KDM2B: variants seen among roughly 807,000 people sequenced by gnomAD.
KDM2B encodes lysine-specific demethylase 2B.
Under a neutral mutation model 150.0 loss-of-function variants are expected in KDM2B, and 26 were observed. The ratio of observed to expected loss-of-function variants is 0.17; its 90% CI spans 0.13 to 0.24. KDM2B has a LOEUF of 0.24. KDM2B is among the 10% of genes least tolerant of loss of function. The pLI is 1.00. For missense variants in KDM2B, 1,265 were observed against 1,816.9 expected (o/e 0.70, Z 5.52); for synonymous variants, 734 against 729.5 (o/e 1.01, Z -0.10).
intron 8 of KDM2B, among the ~76,000 whole-genome samples, chr12:121,531,097 G>A (rs1250533899): frequency 1.3e-5 from 2 of 152,046 alleles, no homozygotes; most frequent in Non-Finnish European, 2.9e-5. Flanking sequence ...GAAGGAGGAT[G>A]CCACCTCCTT....
chr12:121,479,123 T>G (rs1470170695), intron 12 of KDM2B, among the ~76,000 whole-genome samples: 4 of 151,860 alleles, frequency 2.6e-5, no homozygotes, highest in African/African-American at 9.7e-5. Flanking sequence ...ATAAATAAAT[T>G]GGTAAACAGT....
At chr12:121,448,349 GT>G (rs1318321055) in intron 13 of KDM2B, among the ~76,000 whole-genome samples, 2 of 141,770 alleles carry the variant, frequency 1.4e-5, no homozygotes, top group East Asian at 4.2e-4. Context: ...AAAAAAATCA[GT>G]TTTAATTTTT....
chr12:121,483,153 A>AC (rs1248947534), intron 12 of KDM2B, among the ~76,000 whole-genome samples: 11 of 151,302 alleles, frequency 7.3e-5, no homozygotes, highest in African/African-American at 2.7e-4. Context: ...ACAGAGCAAG[A>AC]CCCCATCTCA....
chr12:121,512,284 C>T (rs995243850), intron 10 of KDM2B, among the ~76,000 whole-genome samples: 2 of 152,050 alleles, frequency 1.3e-5, no homozygotes, highest in African/African-American at 2.4e-5. Context: ...ATGAGGCTCG[C>T]GACAGACCTC....
chr12:121,468,766 G>C lies in KDM2B; in HGVS notation c.1735-15422C>G, dbSNP rs971143645. 1 of 152,216 alleles carries C rather than the reference G, an allele frequency of 6.6e-6. No homozygotes were observed. Among genetic ancestry groups the C allele is most frequent in the Admixed American group, 6.5e-5 (1 of 15,274 alleles). The allele number at this position is 152,216 out of a possible 1,614,324, so 9.4% of individuals were successfully genotyped here. On this transcript the variant is annotated intron_variant, in intron 12 of 22. Transcript: ENST00000377071. The surrounding 1 kb of genome is among the most constrained non-coding windows in gnomAD (Gnocchi z 4.0). ...CAAAACTCAGGAGGCTTCTAGCAGA[G>C]TCGGCAAAAGTGAATAAGCAGGGAT...
chr12:121,554,990 A>G (rs1555312471), intron 4 of KDM2B, among the ~76,000 whole-genome samples: 2 of 152,114 alleles, frequency 1.3e-5, no homozygotes, highest in East Asian at 1.9e-4. Context: ...GTTCAAGACC[A>G]GCCTGGATAA....
intron 9 of KDM2B, among the ~76,000 whole-genome samples, chr12:121,517,472 C>CTTT (rs369989396): frequency 7.0e-6 from 1 of 142,194 alleles, no homozygotes; most frequent in African/African-American, 2.6e-5. Context: ...TTTTTCTTTT[C>CTTT]TTTTTTTTTT....
chr12:121,419,699 A>G, the KDM2B span, among the ~76,000 whole-genome samples: 1 of 152,186 alleles, frequency 6.6e-6, no homozygotes, highest in African/African-American at 2.4e-5. Flanking sequence ...GTGTTTTCTA[A>G]AGTGTTCTGA....
chr12:121,534,477 T>A lies in KDM2B; in HGVS notation c.777+20A>T. 1 of 1,590,618 alleles carries A rather than the reference T, an allele frequency of 6.3e-7. No homozygotes were observed. The highest frequency in any genetic ancestry group is 8.6e-7 in the Non-Finnish European group (1 of 1,158,806). ...AAACAGCTAGAGATGCATAGAAAGT[T>A]AAAGGCAACTGAAACTCACCTTCCC... On this transcript the variant is annotated intron_variant, in intron 7 of 22. Coordinates refer to ENST00000377071, the MANE Select transcript of KDM2B (RefSeq NM_032590.5).
At chr12:121,437,210 G>A (rs1555287003) in intron 22 of KDM2B, among the ~76,000 whole-genome samples, 1 of 152,002 alleles carries the variant, frequency 6.6e-6, no homozygotes, top group African/African-American at 2.4e-5. Flanking sequence ...AAACTGATGA[G>A]TTGGGGGTGG....
intron 6 of KDM2B, among the ~76,000 whole-genome samples, chr12:121,546,379 C>CTTTTTTTTTTTTTTTTTTTTT (rs371614406): frequency 1.4e-4 from 14 of 97,484 alleles, no homozygotes; most frequent in East Asian, 3.5e-4. Context: ...TTTTTTTTGC[C>CTTTTTTTTTTTTTTTTTTTTT]TTTTTTTTTT....
chr12:121,578,499 C>T (rs1891680639), intron 2 of KDM2B, among the ~76,000 whole-genome samples: 1 of 152,048 alleles, frequency 6.6e-6, no homozygotes, highest in Admixed American at 6.5e-5. Context: ...CGCGGCGCTC[C>T]CGCCCTCCCT....
intron 11 of KDM2B, among the ~76,000 whole-genome samples, chr12:121,499,006 T>C (rs979613172): frequency 1.1e-4 from 16 of 152,182 alleles, no homozygotes; most frequent in Middle Eastern, 6.8e-3. Flanking sequence ...AGACAGGTTC[T>C]TGCTATGTTG....
At chr12:121,531,190 A>C (rs1887636481) in intron 8 of KDM2B, among the ~76,000 whole-genome samples, 1 of 152,134 alleles carries the variant, frequency 6.6e-6, no homozygotes, top group Admixed American at 6.5e-5. Flanking sequence ...CATCCCAAGC[A>C]GGGGTCGGTC....
chr12:121,546,379 C>CTTTTTT lies in KDM2B; in HGVS notation c.683+2492_683+2497dup, dbSNP rs371614406. Among the ~76,000 whole-genome samples, 90 of 97,478 alleles carry CTTTTTT rather than the reference C, an allele frequency of 9.2e-4. 2 individuals carry two copies. The highest frequency in any genetic ancestry group is 1.9e-3 in the South Asian group (5 of 2,664). The allele number at this position is 97,478 out of a possible 152,430, so 63.9% of individuals were successfully genotyped here. On this transcript the variant is annotated intron_variant, in intron 6 of 22. Transcript: ENST00000377071. Reference sequence around the variant, plus strand: ...CATCTCCTCTGTCTTTTTTTTTTGCCTTTTTTTTTTTTTTTTTTTTTGAGA... The same window carrying CTTTTTT: ...CATCTCCTCTGTCTTTTTTTTTTGCCTTTTTTTTTTTTTTTTTTTTTTTTTTTGAGA...
chr12:121,480,282 T>C (rs1188242426), intron 12 of KDM2B, among the ~76,000 whole-genome samples: 1 of 151,744 alleles, frequency 6.6e-6, no homozygotes, highest in Non-Finnish European at 1.5e-5. Context: ...AACCAAGACT[T>C]TAAAACTTAT....
intron 12 of KDM2B, among the ~76,000 whole-genome samples, chr12:121,472,621 A>T (rs1555296064): frequency 1.3e-5 from 2 of 152,222 alleles, no homozygotes; most frequent in East Asian, 3.8e-4. Flanking sequence ...ATTTACATTC[A>T]CTGGAAGATG....
chr12:121,449,044 CG>C (rs1393944791), intron 13 of KDM2B, among the ~76,000 whole-genome samples: 1 of 151,972 alleles, frequency 6.6e-6, no homozygotes, highest in Non-Finnish European at 1.5e-5. Context: ...CAGACTGCAG[CG>C]GGGGGCACAG....
intron 22 of KDM2B, among the ~76,000 whole-genome samples, chr12:121,437,125 G>A (rs559750683): frequency 1.9e-4 from 29 of 152,078 alleles, no homozygotes; most frequent in African/African-American, 4.1e-4. Context: ...GCAGTGGGGC[G>A]GGCAGTCCCA....
Sources: gnomAD v4.1 joint callset for allele counts (sites outside exome capture counted in the v4.1 genomes callset) on GRCh38, gnomAD v4.1.1 for gene constraint, Gnocchi (gnomAD v3.1) non-coding constraint, MANE v1.5 for transcripts, NCBI Gene and HGNC (gene_info 2026-07-23, HGNC 2026-07-21) for gene names.